Variants in FMN1 observed in about 807,000 individuals in gnomAD.
FMN1 encodes the protein formin 1.
In FMN1, 110 loss-of-function variants were observed where a neutral mutation model predicts 132.4. That is an observed-to-expected ratio of 0.83 (90% CI 0.71 to 0.97). The LOEUF is 0.97. FMN1 is among the 50% of genes least tolerant of loss of function. The probability of loss-of-function intolerance (pLI) is 0.00; values close to 1 mark genes in which losing one functional copy is unlikely to be tolerated. For missense variants in FMN1, 1,792 were observed against 1,705.3 expected (o/e 1.05, Z -0.90); for synonymous variants, 722 against 651.7 (o/e 1.11, Z -1.64).
intron 7 of FMN1, among the ~76,000 whole-genome samples, chr15:32,983,119 C>A (rs894869761): frequency 6.6e-6 from 1 of 152,120 alleles, no homozygotes; most frequent in South Asian, 2.1e-4. Flanking sequence ...CCCAAACGTT[C>A]TTCAACTGGT....
At chr15:33,007,030 A>G (rs1190809935) in intron 7 of FMN1, among the ~76,000 whole-genome samples, 1 of 152,178 alleles carries the variant, frequency 6.6e-6, no homozygotes, top group Non-Finnish European at 1.5e-5. Context: ...TATACTTTAA[A>G]ATTTCTAAAA....
At chr15:33,014,800 C>T (rs2034942775) in intron 6 of FMN1, among the ~76,000 whole-genome samples, 1 of 152,144 alleles carries the variant, frequency 6.6e-6, no homozygotes, top group South Asian at 2.1e-4. Context: ...AAAGTTTGTG[C>T]CCTCCAATTT....
chr15:32,800,318 A>T (rs1052981059), intron 18 of FMN1, among the ~76,000 whole-genome samples: 1 of 152,206 alleles, frequency 6.6e-6, no homozygotes, highest in Non-Finnish European at 1.5e-5. Context: ...GTGTAAGTGG[A>T]GAAAGGCAAT....
chr15:33,161,895 G>A (rs1216792845), intron 3 of FMN1, among the ~76,000 whole-genome samples: 4 of 150,978 alleles, frequency 2.6e-5, no homozygotes, highest in African/African-American at 9.8e-5. Context: ...TCCAGCCTGG[G>A]TGACAGAGCA....
intron 6 of FMN1, among the ~76,000 whole-genome samples, chr15:33,049,761 T>TA (rs2036880220): frequency 6.6e-6 from 1 of 152,220 alleles, no homozygotes; most frequent in South Asian, 2.1e-4. Flanking sequence ...CGTGTTCAAA[T>TA]AAGGCAAACA....
chr15:33,050,935 G>T (rs1321374971), intron 6 of FMN1, among the ~76,000 whole-genome samples: 1 of 152,162 alleles, frequency 6.6e-6, no homozygotes, highest in East Asian at 1.9e-4. Context: ...TTCAGTATAT[G>T]GTAAAAAGCA....
intron 17 of FMN1, among the ~76,000 whole-genome samples, chr15:32,812,015 T>TAAAC (rs71424675): frequency 0.015 from 2,247 of 150,472 alleles, 18 homozygotes; most frequent in African/African-American, 0.024. Context: ...TTATGGACAC[T>TAAAC]AAACAAACAA....
At chr15:33,065,105 A>G (rs1231793849) in intron 5 of FMN1, 31 bp from the exon 6 acceptor site, 2 of 1,485,910 alleles carry the variant, frequency 1.3e-6, no homozygotes, top group Non-Finnish European at 1.9e-6. Flanking sequence ...TAGTAAGTGG[A>G]ATGTAGTCAG....
intron 7 of FMN1, among the ~76,000 whole-genome samples, chr15:32,988,294 AG>A (rs2033211757): frequency 6.6e-6 from 1 of 152,178 alleles, no homozygotes; most frequent in African/African-American, 2.4e-5. Flanking sequence ...GTTGGGGAAG[AG>A]GAAGTATTTT....
In FMN1 at chr15:32,885,311, A is replaced by G. The variant is rs143445148; in HGVS notation, c.3835+2861T>C. ...TGCACACGTGTGCATGCTTGTGTAT[A>G]TATGTTCAGTAACTCTAATTTTTTT... On this transcript the variant is annotated intron_variant, in intron 16 of 20. Coordinates refer to ENST00000616417, the MANE Select transcript of FMN1 (RefSeq NM_001277313.2). Among the ~76,000 whole-genome samples the G allele has an allele frequency of 2.6e-5, 4 of 152,254 alleles. No individual in the cohort carries two copies. The East Asian group carries it at 7.7e-4, about 29-fold the overall frequency.
At chr15:33,143,413 T>C (rs1235509199) in intron 4 of FMN1, among the ~76,000 whole-genome samples, 2 of 152,218 alleles carry the variant, frequency 1.3e-5, no homozygotes, top group African/African-American at 2.4e-5. Context: ...ATTCATTCAA[T>C]AGAACACTTA....
intron 6 of FMN1, among the ~76,000 whole-genome samples, chr15:33,060,014 T>TAC (rs2037412929): frequency 6.6e-6 from 1 of 152,206 alleles, no homozygotes; most frequent in African/African-American, 2.4e-5. Context: ...CTTAGCACAA[T>TAC]ACACTTCACC....
chr15:32,810,996 T>C (rs772221442), intron 17 of FMN1: 9 of 456,182 alleles, frequency 2.0e-5, no homozygotes, highest in South Asian at 1.2e-4. Context: ...ATCCGTCTGA[T>C]GTGAGTGTGG....
At chr15:32,996,078 A>G in intron 7 of FMN1, among the ~76,000 whole-genome samples, 1 of 152,252 alleles carries the variant, frequency 6.6e-6, no homozygotes, top group East Asian at 1.9e-4. Context: ...GCTGCTCATA[A>G]TAAACACAAT....
At chr15:32,972,871 G>C (rs2031901041) in intron 7 of FMN1, among the ~76,000 whole-genome samples, 1 of 152,144 alleles carries the variant, frequency 6.6e-6, no homozygotes. Context: ...TGAACTCATT[G>C]TTGCCGAACC....
intron 13 of FMN1, among the ~76,000 whole-genome samples, chr15:32,901,158 A>AG (rs2060285952): frequency 2.0e-5 from 3 of 150,552 alleles, no homozygotes; most frequent in African/African-American, 7.4e-5. Flanking sequence ...CCGTCTCAAA[A>AG]AAAAAGAAAG....
At chr15:32,901,856 TTTC>T in intron 13 of FMN1, 52 bp downstream of exon 13, 3 of 1,506,150 alleles carry the variant, frequency 2.0e-6, no homozygotes, top group East Asian at 2.3e-5. Context: ...TCTCTCCCAC[TTTC>T]TTCTTTACTC....
chr15:32,919,257 C>T (rs898967865), intron 10 of FMN1, among the ~76,000 whole-genome samples: 7 of 152,012 alleles, frequency 4.6e-5, no homozygotes, highest in Non-Finnish European at 7.4e-5. Flanking sequence ...GCAGTGAAAC[C>T]CCAGATTTAA....
chr15:32,785,110 A>G (rs1430759599), intron 19 of FMN1, among the ~76,000 whole-genome samples: 2 of 140,882 alleles, frequency 1.4e-5, no homozygotes, highest in African/African-American at 2.7e-5. Context: ...TTAACTTTTG[A>G]GTAACTCTTA....
Sources: gnomAD v4.1 joint callset for allele counts (sites outside exome capture counted in the v4.1 genomes callset) on GRCh38, gnomAD v4.1.1 for gene constraint, MANE v1.5 for transcripts, NCBI Gene and HGNC (gene_info 2026-07-23, HGNC 2026-07-21) for gene names.